CDH20: variants seen among roughly 807,000 people sequenced by gnomAD.
CDH20 encodes the protein cadherin 20.
CDH20 carries 29 observed loss-of-function variants against 74.2 expected under a neutral mutation model. The observed-to-expected ratio is 0.39, with a 90% CI of 0.29 to 0.53. The LOEUF (loss-of-function observed/expected upper bound fraction) is 0.53, where lower values mean the gene tolerates loss of function less well. Among genes scored for constraint, CDH20 ranks in the 20% least tolerant of loss-of-function variants. The probability of loss-of-function intolerance (pLI) is 0.69; values close to 1 mark genes in which losing one functional copy is unlikely to be tolerated. For synonymous variants in CDH20, 469 were observed against 405.4 expected (o/e 1.16, Z -1.88); for missense variants, 988 against 1,048.3 (o/e 0.94, Z 0.79).
chr18:61,341,964 T>C (rs909221251), intron 1 of CDH20, among the ~76,000 whole-genome samples: 1 of 152,188 alleles, frequency 6.6e-6, no homozygotes, highest in Non-Finnish European at 1.5e-5. Context: ...GGCATACTCA[T>C]ATTTGAAAAT....
intron 6 of CDH20, among the ~76,000 whole-genome samples, chr18:61,515,982 T>C (rs539776905): frequency 1.3e-5 from 2 of 152,228 alleles, no homozygotes; most frequent in East Asian, 1.9e-4. Flanking sequence ...ACATGTGCAG[T>C]ACCAACAATG....
intron 2 of CDH20, among the ~76,000 whole-genome samples, chr18:61,495,448 C>T (rs935695971): frequency 1.2e-4 from 19 of 152,210 alleles, no homozygotes; most frequent in African/African-American, 4.1e-4. Context: ...CGTAATTTCT[C>T]CTCTTCCAAC....
intron 4 of CDH20, 127 bp downstream of exon 4, chr18:61,500,629 T>G (rs564871675): frequency 1.0e-6 from 1 of 984,006 alleles, no homozygotes; most frequent in East Asian, 2.5e-5. Flanking sequence ...AGACTGCTCT[T>G]AGCTTTAGGA....
At chr18:61,414,819 A>T (rs987360377) in intron 1 of CDH20, among the ~76,000 whole-genome samples, 2 of 152,066 alleles carry the variant, frequency 1.3e-5, no homozygotes, top group Non-Finnish European at 1.5e-5. Context: ...ATAATTGGAT[A>T]GAATATAAAT....
chr18:61,513,686 GC>G (rs1428680095), intron 6 of CDH20, among the ~76,000 whole-genome samples: 1 of 152,172 alleles, frequency 6.6e-6, no homozygotes, highest in Non-Finnish European at 1.5e-5. Flanking sequence ...CTCTTTTAGG[GC>G]AGGCCTGGTG....
chr18:61,368,127 G>T (rs1910917672), intron 1 of CDH20, among the ~76,000 whole-genome samples: 1 of 152,034 alleles, frequency 6.6e-6, no homozygotes, highest in South Asian at 2.1e-4. Flanking sequence ...GGACCCTTGT[G>T]ATTACATTGG....
chr18:61,466,747 G>T (rs1909975268), intron 1 of CDH20, among the ~76,000 whole-genome samples: 1 of 152,184 alleles, frequency 6.6e-6, no homozygotes, highest in Non-Finnish European at 1.5e-5. Flanking sequence ...TTAAGGCAAA[G>T]AAAGAAATTA....
intron 1 of CDH20, among the ~76,000 whole-genome samples, chr18:61,361,529 T>C (rs62098068): frequency 0.12 from 17,985 of 152,218 alleles, 1,239 homozygotes; most frequent in Non-Finnish European, 0.16. Context: ...TAAGAACAGA[T>C]GAATATTTTT....
Position 61,490,602 on chromosome 18 carries a change from G to A in CDH20, c.49G>A (p.Gly17Ser). The A allele has an allele frequency of 6.2e-7, 1 of 1,614,112 alleles. No homozygotes were observed. Residue 17 changes from glycine to serine, a missense_variant, in exon 2 of 12, where the codon GGC becomes AGC. Gly to Ser is a moderately conservative substitution (Grantham distance 56). Around this residue, in one of 2 missense-constraint regions of CDH20, gnomAD observed 613 missense variants for 755.2 expected, o/e 0.81. Coordinates refer to ENST00000262717, the MANE Select transcript of CDH20 (RefSeq NM_031891.4). ...CAATGCAAAGAACTGGCTTGGACTT[G>A]GCATGTCCTTGTACTTCTGGGGGCT... ...MSNAKNWLGL[G>S]MSLYFWGLMD...
At chr18:61,444,132 A>G (rs904058403) in intron 1 of CDH20, among the ~76,000 whole-genome samples, 5 of 152,194 alleles carry the variant, frequency 3.3e-5, no homozygotes, top group African/African-American at 1.2e-4. Context: ...TTGTGTATTT[A>G]TTTATTTATG....
chr18:61,438,860 C>T (rs772684122), intron 1 of CDH20, among the ~76,000 whole-genome samples: 12 of 152,132 alleles, frequency 7.9e-5, no homozygotes, highest in Admixed American at 5.2e-4. Flanking sequence ...AACCCAGGTA[C>T]CCATCAATGG....
chr18:61,553,996 C>T (rs1021412184), intron 11 of CDH20, among the ~76,000 whole-genome samples, 194 bp from the exon 12 acceptor site: 1 of 152,178 alleles, frequency 6.6e-6, no homozygotes, highest in Admixed American at 6.5e-5. Context: ...TCATTGTCCA[C>T]AACCTGACTT....
intron 1 of CDH20, among the ~76,000 whole-genome samples, chr18:61,462,127 G>A (rs372064335): frequency 3.3e-5 from 5 of 152,246 alleles, no homozygotes; most frequent in African/African-American, 4.8e-5. Context: ...TTACTTAGGC[G>A]TGAAAAGTTG....
At chr18:61,368,860 CAAAAAA>C (rs1296541435) in intron 1 of CDH20, among the ~76,000 whole-genome samples, 1 of 87,906 alleles carries the variant, frequency 1.1e-5, no homozygotes, top group Non-Finnish European at 2.4e-5. Flanking sequence ...AGTTCTTTTT[CAAAAAA>C]AAAAAAAAAA....
At chr18:61,339,403 T>C (rs950636681) in intron 1 of CDH20, among the ~76,000 whole-genome samples, 2 of 150,632 alleles carry the variant, frequency 1.3e-5, no homozygotes, top group Non-Finnish European at 2.9e-5. Context: ...ATATATTGCA[T>C]AAGGAGAGAT....
intron 7 of CDH20, among the ~76,000 whole-genome samples, chr18:61,529,610 C>A (rs1912567757): frequency 6.6e-6 from 1 of 152,140 alleles, no homozygotes; most frequent in African/African-American, 2.4e-5. Flanking sequence ...ATCCCCAAAG[C>A]AATCACAATG....
intron 1 of CDH20, among the ~76,000 whole-genome samples, chr18:61,485,936 G>A (rs1391930901): frequency 6.6e-6 from 1 of 152,268 alleles, no homozygotes; most frequent in African/African-American, 2.4e-5. Context: ...AGCCGGGTGT[G>A]GTGGCGGGCA....
At chr18:61,457,770 T>G (rs1407539059) in intron 1 of CDH20, among the ~76,000 whole-genome samples, 1 of 152,150 alleles carries the variant, frequency 6.6e-6, no homozygotes, top group Admixed American at 6.6e-5. Context: ...CTTTGGGAAT[T>G]GAGGAAAACC....
At chr18:61,417,691 C>T (rs183544578) in intron 1 of CDH20, among the ~76,000 whole-genome samples, 1 of 149,358 alleles carries the variant, frequency 6.7e-6, no homozygotes, top group East Asian at 2.0e-4. Flanking sequence ...AACAGATTGG[C>T]TAATGGGTAC....
Sources: gnomAD v4.1 joint callset for allele counts (sites outside exome capture counted in the v4.1 genomes callset) on GRCh38, gnomAD v4.1.1 for gene constraint, gnomAD v4.1.1 regional missense constraint, MANE v1.5 for transcripts, NCBI Gene and HGNC (gene_info 2026-07-23, HGNC 2026-07-21) for gene names.